Variants in SOX5 observed in about 807,000 individuals in gnomAD.
The protein encoded by SOX5 is transcription factor SOX-5.
A neutral mutation model predicts 92.0 loss-of-function variants in SOX5; 9 were observed. That is an observed-to-expected ratio of 0.10 (90% CI 0.06 to 0.17). The LOEUF (loss-of-function observed/expected upper bound fraction) is 0.17, where lower values mean the gene tolerates loss of function less well. Ranked by LOEUF, SOX5 falls within the 10% of genes least tolerant of loss-of-function variation. The pLI, the probability that SOX5 is intolerant of heterozygous loss-of-function variation, is 1.00. For synonymous variants in SOX5, 344 were observed against 336.3 expected (o/e 1.02, Z -0.25); for missense variants, 642 against 944.5 (o/e 0.68, Z 4.20).
At chr12:24,003,139 G>A (rs1029074254) in intron 4 of SOX5, among the ~76,000 whole-genome samples, 2 of 151,902 alleles carry the variant, frequency 1.3e-5, no homozygotes, top group Admixed American at 6.6e-5. Context: ...AACTAACAAG[G>A]ATCAGAAGAA....
chr12:24,399,270 T>A (rs76258923), intron 1 of SOX5, among the ~76,000 whole-genome samples: 1,566 of 152,266 alleles, frequency 0.01, 21 homozygotes, highest in African/African-American at 0.035. Context: ...AAAGGACCCA[T>A]AGGAGTGAAG....
intron 2 of SOX5, among the ~76,000 whole-genome samples, chr12:24,307,385 G>C (rs974634577): frequency 6.6e-6 from 1 of 151,534 alleles, no homozygotes; most frequent in African/African-American, 2.4e-5. Flanking sequence ...TCAATAAATG[G>C]GCCAAATGGA....
intron 9 of SOX5, chr12:23,582,146 A>T (rs770815728): frequency 2.4e-5 from 24 of 985,186 alleles, no homozygotes; most frequent in Non-Finnish European, 2.9e-5. Flanking sequence ...CATAATGTGC[A>T]CTGTTGCCGC....
At chr12:24,303,015 C>G (rs925607315) in intron 2 of SOX5, among the ~76,000 whole-genome samples, 3 of 152,072 alleles carry the variant, frequency 2.0e-5, no homozygotes, top group African/African-American at 7.2e-5. Context: ...ACACCAAGAT[C>G]AGTATGAACC....
chr12:24,284,928 C>T (rs961671606), intron 2 of SOX5, among the ~76,000 whole-genome samples: 1 of 152,142 alleles, frequency 6.6e-6, no homozygotes, highest in Non-Finnish European at 1.5e-5. Context: ...AGTTCGAGAC[C>T]AGCCTGACCA....
At chr12:23,810,905 G>A (rs1356738582) in intron 3 of SOX5, among the ~76,000 whole-genome samples, 4 of 152,084 alleles carry the variant, frequency 2.6e-5, no homozygotes, top group Non-Finnish European at 5.9e-5. Flanking sequence ...CAGAAGAGCT[G>A]CTTTTTTTTC....
chr12:24,522,684 T>G (rs762107886), intron 1 of SOX5, among the ~76,000 whole-genome samples: 28 of 151,974 alleles, frequency 1.8e-4, no homozygotes, highest in Non-Finnish European at 3.4e-4. Context: ...GAGCATCTTA[T>G]AGATAAAGAA....
At chr12:23,732,420 T>C (rs1461565291) in intron 6 of SOX5, among the ~76,000 whole-genome samples, 2 of 152,118 alleles carry the variant, frequency 1.3e-5, no homozygotes, top group African/African-American at 4.8e-5. Flanking sequence ...AAATTAACAA[T>C]TGACAAAATA....
At chr12:24,416,153 G>A (rs544403606) in intron 1 of SOX5, among the ~76,000 whole-genome samples, 1 of 152,190 alleles carries the variant, frequency 6.6e-6, no homozygotes. Context: ...AAGCAAGAGC[G>A]GGGCAGGCCA....
intron 2 of SOX5, among the ~76,000 whole-genome samples, chr12:23,865,239 T>C (rs981639540): frequency 6.6e-6 from 1 of 152,238 alleles, no homozygotes; most frequent in Non-Finnish European, 1.5e-5. Context: ...CTACTGCTCA[T>C]TGACAACGCA....
intron 2 of SOX5, among the ~76,000 whole-genome samples, chr12:24,363,379 C>T (rs1351265132): frequency 6.6e-6 from 1 of 152,044 alleles, no homozygotes; most frequent in Non-Finnish European, 1.5e-5. Flanking sequence ...GCCAGCATGC[C>T]CTGTTCTTTT....
chr12:23,967,456 A>C (rs910835668), intron 4 of SOX5, among the ~76,000 whole-genome samples: 1 of 111,476 alleles, frequency 9.0e-6, no homozygotes, highest in Non-Finnish European at 1.9e-5. Flanking sequence ...TCTTTTCATA[A>C]AATTATACAG....
chr12:23,754,980 CTAT>C (rs66644219), intron 4 of SOX5, among the ~76,000 whole-genome samples: 27,166 of 151,576 alleles, frequency 0.18, 3,878 homozygotes, highest in African/African-American at 0.4. Context: ...AAATAGAAAA[CTAT>C]CATAGATTGC....
chr12:23,659,644 C>A (rs2082762634), intron 7 of SOX5, among the ~76,000 whole-genome samples: 1 of 152,112 alleles, frequency 6.6e-6, no homozygotes, highest in Admixed American at 6.5e-5. Flanking sequence ...AACATGAGCT[C>A]TAATAAAAGG....
At chr12:23,742,963 A>C (rs2141026478) in intron 4 of SOX5, among the ~76,000 whole-genome samples, 1 of 152,240 alleles carries the variant, frequency 6.6e-6, no homozygotes. Flanking sequence ...AAAAAAAAAA[A>C]ATCTAGTCCA....
chr12:24,103,305 T>G (rs1946300649), intron 4 of SOX5, among the ~76,000 whole-genome samples: 1 of 152,160 alleles, frequency 6.6e-6, no homozygotes, highest in South Asian at 2.1e-4. Flanking sequence ...TCAGTTTTCT[T>G]GGCTTTCAGG....
At chr12:23,901,626 G>A (rs1029657760) in intron 1 of SOX5, among the ~76,000 whole-genome samples, 1 of 151,896 alleles carries the variant, frequency 6.6e-6, no homozygotes, top group Non-Finnish European at 1.5e-5. Flanking sequence ...TAGTCCTTAC[G>A]CCATTTTGTT....
intron 3 of SOX5, among the ~76,000 whole-genome samples, chr12:24,264,040 T>C (rs1348632262): frequency 6.6e-6 from 1 of 152,238 alleles, no homozygotes; most frequent in Non-Finnish European, 1.5e-5. Flanking sequence ...GCTTGATTTT[T>C]AATGTAATTT....
At chr12:23,819,926 A>G (rs1049147887) in intron 3 of SOX5, among the ~76,000 whole-genome samples, 3 of 152,194 alleles carry the variant, frequency 2.0e-5, no homozygotes, top group Non-Finnish European at 4.4e-5. Context: ...AATAATTTAT[A>G]ATCCTTTGGG....
Sources: gnomAD v4.1 joint callset for allele counts (sites outside exome capture counted in the v4.1 genomes callset) on GRCh38, gnomAD v4.1.1 for gene constraint, MANE v1.5 for transcripts, NCBI Gene and HGNC (gene_info 2026-07-23, HGNC 2026-07-21) for gene names.